Variants in PLEKHM1 observed in about 807,000 individuals in gnomAD.
The protein encoded by PLEKHM1 is pleckstrin homology domain-containing family M member 1.
A neutral mutation model predicts 94.3 loss-of-function variants in PLEKHM1; 28 were observed. The ratio of observed to expected loss-of-function variants is 0.30; its 90% CI spans 0.22 to 0.41. PLEKHM1 has a LOEUF of 0.41. Among genes scored for constraint, PLEKHM1 ranks in the 10% least tolerant of loss-of-function variants. The pLI, the probability that PLEKHM1 is intolerant of heterozygous loss-of-function variation, is 1.00. For synonymous variants in PLEKHM1, 424 were observed against 581.2 expected (o/e 0.73, Z 3.89); for missense variants, 907 against 1,358.6 (o/e 0.67, Z 5.22).
chr17:45,455,211 C>G (rs1021284514), intron 6 of PLEKHM1, among the ~76,000 whole-genome samples: 8 of 152,208 alleles, frequency 5.3e-5, no homozygotes, highest in African/African-American at 1.9e-4. Context: ...TTCTCTCCCC[C>G]CATTCTACTG....
At chr17:45,457,256 C>T (rs2050987786) in intron 6 of PLEKHM1, among the ~76,000 whole-genome samples, 1 of 151,130 alleles carries the variant, frequency 6.6e-6, no homozygotes, top group Non-Finnish European at 1.5e-5. Context: ...AGCAAAACAC[C>T]ATCTTTATTA....
At chr17:45,469,822 C>T (rs905324013) in intron 4 of PLEKHM1, among the ~76,000 whole-genome samples, 1 of 152,156 alleles carries the variant, frequency 6.6e-6, no homozygotes, top group African/African-American at 2.4e-5. Context: ...ATCTGCAATC[C>T]CAGCACTTTG....
At position 45,467,101 on chromosome 17, in the gene PLEKHM1, C is replaced by T. The variant is rs1180852855; in HGVS notation, c.1308+1108G>A. On this transcript the variant is annotated intron_variant, in intron 5 of 11. Transcript: ENST00000430334. The stretch of plus-strand genomic sequence containing the variant: ...ATGCTATATGTACAGCCACACACCA[C>T]CATGCCCAGCTAATTTTTGTATTTT... Among the ~76,000 whole-genome samples the T allele has an allele frequency of 2.6e-5, 4 of 152,298 alleles. No homozygotes were observed. In the East Asian group the frequency reaches 7.7e-4, roughly 29 times the overall value.
intron 1 of PLEKHM1, among the ~76,000 whole-genome samples, chr17:45,486,216 C>CAAAAA (rs1214022191): frequency 2.3e-4 from 18 of 79,872 alleles, no homozygotes; most frequent in African/African-American, 8.7e-4. Flanking sequence ...GACTCCGTCT[C>CAAAAA]AAAAAAAAAA....
chr17:45,451,420 C>T (rs2050771304), intron 7 of PLEKHM1, among the ~76,000 whole-genome samples: 1 of 152,126 alleles, frequency 6.6e-6, no homozygotes. Flanking sequence ...AAGCAGAGGC[C>T]CTGACTCAAA....
Position 45,436,131 on chromosome 17 carries a change from G to A in PLEKHM1, c.*1727C>T, listed in dbSNP as rs778899284. ...CAGCTTCTGGGGAACGGGCCCCCCA[G>A]GGCCTCAAACCTGCTGCCTCCGAGG... On this transcript the variant is annotated 3_prime_UTR_variant, in exon 12 of 12. Coordinates refer to ENST00000430334, the MANE Select transcript of PLEKHM1 (RefSeq NM_014798.3). 2 of 456,294 alleles carry A rather than the reference G, an allele frequency of 4.4e-6. No homozygotes were observed. Among genetic ancestry groups the A allele is most frequent in the Non-Finnish European group, 8.8e-6 (2 of 226,974 alleles). 28.3% of individuals were successfully genotyped at this position (456,294 alleles called of 1,614,324 possible).
At chr17:45,449,993 C>A (rs2050726689) in intron 8 of PLEKHM1, among the ~76,000 whole-genome samples, 1 of 151,984 alleles carries the variant, frequency 6.6e-6, no homozygotes, top group African/African-American at 2.4e-5. Context: ...ACCTACCTAC[C>A]TACCCATCCA....
In PLEKHM1 at chr17:45,468,446, C is replaced by T. The variant is rs2051391948; in HGVS notation, c.1071G>A (p.Glu357=). The change falls in exon 5 of 12, where the codon GAG becomes GAA. Residue 357 remains glutamate, a synonymous_variant. Transcript: ENST00000430334. ...STYLHCEAPA[E]PLPAQAASGT... ...CAGAGGCTGCCTGGGCAGGAAGGGG[C>T]TCTGCAGGTGCCTCACAGTGCAGGT... 1 of 1,614,130 alleles carries T rather than the reference C, an allele frequency of 6.2e-7. No homozygotes were observed. The highest frequency in any genetic ancestry group is 1.7e-5 in the Admixed American group (1 of 60,008).
At chr17:45,487,761 A>G (rs1235199614) in intron 1 of PLEKHM1, 1 of 455,878 alleles carries the variant, frequency 2.2e-6, no homozygotes, top group Non-Finnish European at 4.4e-6. Flanking sequence ...TGGTTCCACC[A>G]CTCTCAAAAC....
At chr17:45,479,725 CAT>C (rs999705776) in intron 2 of PLEKHM1, among the ~76,000 whole-genome samples, 32 of 137,320 alleles carry the variant, frequency 2.3e-4, no homozygotes, top group African/African-American at 7.4e-4. Context: ...AAACAAAAAA[CAT>C]ATATATAAAA....
rs1383932319 is a variant in PLEKHM1 at position 45,437,198 on chromosome 17, G to C, written c.*660C>G. ...GACGCACTGGGGTGGGGAGTAAAGA[G>C]GACACAGAGGAACCGGGGTCGCCAG... On this transcript the variant is annotated 3_prime_UTR_variant, in exon 12 of 12. Transcript: ENST00000430334. The surrounding 1 kb of genome is among the most constrained non-coding windows in gnomAD (Gnocchi z 4.0). The C allele has an allele frequency of 6.6e-6, 3 of 452,686 alleles. No individual in the cohort carries two copies. Among genetic ancestry groups the C allele is most frequent in the Non-Finnish European group, 1.3e-5 (3 of 225,496 alleles). 28.0% of individuals were successfully genotyped at this position (452,686 alleles called of 1,614,324 possible).
chr17:45,486,228 G>A (rs4792864), intron 1 of PLEKHM1, among the ~76,000 whole-genome samples: 104,174 of 140,034 alleles, frequency 0.74, 39,241 homozygotes, highest in African/African-American at 0.85. Context: ...AAAAAAAAAA[G>A]ATAAAATAAA....
chr17:45,474,606 T>C (rs1313395526), intron 4 of PLEKHM1, among the ~76,000 whole-genome samples: 3 of 152,278 alleles, frequency 2.0e-5, no homozygotes, highest in Admixed American at 1.3e-4. Flanking sequence ...TCCTTCTAGA[T>C]GAAGACAACA....
intron 10 of PLEKHM1, 145 bp from the exon 11 acceptor site, chr17:45,439,779 G>A (rs544178365): frequency 2.7e-5 from 30 of 1,100,178 alleles, no homozygotes; most frequent in African/African-American, 2.0e-4. Flanking sequence ...GTTTCCACAC[G>A]GGCAAGAAAA....
chr17:45,486,245 A>T (rs555524590), intron 1 of PLEKHM1, among the ~76,000 whole-genome samples: 14 of 148,130 alleles, frequency 9.5e-5, no homozygotes, highest in Non-Finnish European at 1.6e-4. Context: ...TAAAAAAATA[A>T]TAATAATAAT....
intron 2 of PLEKHM1, among the ~76,000 whole-genome samples, chr17:45,481,857 G>T (rs532271178): frequency 5.9e-5 from 9 of 152,246 alleles, no homozygotes; most frequent in African/African-American, 2.2e-4. Flanking sequence ...CTCCCCGAAA[G>T]CCATCTCAGG....
intron 6 of PLEKHM1, among the ~76,000 whole-genome samples, chr17:45,455,213 A>C (rs1169946663): frequency 6.6e-6 from 1 of 152,016 alleles, no homozygotes; most frequent in Non-Finnish European, 1.5e-5. Flanking sequence ...CTCTCCCCCC[A>C]TTCTACTGAC....
At chr17:45,457,669 G>A (rs1345952052) in intron 6 of PLEKHM1, among the ~76,000 whole-genome samples, 3 of 152,146 alleles carry the variant, frequency 2.0e-5, no homozygotes, top group Non-Finnish European at 2.9e-5. Flanking sequence ...AGGTTGCAGT[G>A]AGCAGAGATC....
intron 4 of PLEKHM1, among the ~76,000 whole-genome samples, chr17:45,473,704 G>A (rs1447854989): frequency 1.3e-5 from 2 of 151,764 alleles, no homozygotes; most frequent in African/African-American, 2.4e-5. Flanking sequence ...GACTTCAGGC[G>A]CCCGCCACCA....
Sources: gnomAD v4.1 joint callset for allele counts (sites outside exome capture counted in the v4.1 genomes callset) on GRCh38, gnomAD v4.1.1 for gene constraint, Gnocchi (gnomAD v3.1) non-coding constraint, MANE v1.5 for transcripts, NCBI Gene and HGNC (gene_info 2026-07-23, HGNC 2026-07-21) for gene names.